Variants in UNC13C observed in about 807,000 individuals in gnomAD.
UNC13C encodes the protein unc-13 homolog C.
Under a neutral mutation model 245.4 loss-of-function variants are expected in UNC13C, and 174 were observed. The ratio of observed to expected loss-of-function variants is 0.71; its 90% confidence interval spans 0.63 to 0.80. UNC13C has a LOEUF of 0.80. UNC13C is among the 30% of genes least tolerant of loss of function. The pLI, the probability that UNC13C is intolerant of heterozygous loss-of-function variation, is 0.00. For missense variants in UNC13C, 2,829 were observed against 2,602.9 expected (o/e 1.09, Z -1.89); for synonymous variants, 992 against 895.1 (o/e 1.11, Z -1.93).
At chr15:54,191,607 G>C (rs1182300529) in intron 4 of UNC13C, among the ~76,000 whole-genome samples, 4 of 152,120 alleles carry the variant, frequency 2.6e-5, no homozygotes, top group African/African-American at 9.7e-5. Flanking sequence ...TCTGCTTCTA[G>C]ATTTTTGAGG....
At chr15:54,060,897 C>T (rs1035973612) in intron 2 of UNC13C, among the ~76,000 whole-genome samples, 5 of 151,846 alleles carry the variant, frequency 3.3e-5, no homozygotes, top group African/African-American at 9.7e-5. Flanking sequence ...AGTTCTCACT[C>T]ATAGGTGGGA....
At chr15:53,843,537 A>G in the UNC13C span, among the ~76,000 whole-genome samples, 16 of 152,028 alleles carry the variant, frequency 1.1e-4, no homozygotes, top group South Asian at 1.7e-3. Context: ...ATTTTTTTAT[A>G]AGCAATTAAT....
chr15:54,389,833 A>G (rs992490693), intron 17 of UNC13C, among the ~76,000 whole-genome samples: 3 of 151,960 alleles, frequency 2.0e-5, no homozygotes, highest in Admixed American at 6.6e-5. Flanking sequence ...GGTTCGAGCA[A>G]TTCTCCTGCC....
chr15:54,385,092 A>G (rs1228220468), intron 17 of UNC13C, among the ~76,000 whole-genome samples: 1 of 152,170 alleles, frequency 6.6e-6, no homozygotes, highest in Non-Finnish European at 1.5e-5. Flanking sequence ...CTACTATGGA[A>G]AACAGAACTA....
At chr15:54,192,142 A>G (rs1381835858) in intron 4 of UNC13C, among the ~76,000 whole-genome samples, 1 of 152,162 alleles carries the variant, frequency 6.6e-6, no homozygotes, top group Non-Finnish European at 1.5e-5. Flanking sequence ...GATACTGTAA[A>G]GGCAATTTCT....
chr15:54,256,426 G>A (rs913611030), intron 8 of UNC13C, among the ~76,000 whole-genome samples: 14 of 152,298 alleles, frequency 9.2e-5, no homozygotes, highest in Admixed American at 2.0e-4. Context: ...CACCTTATTC[G>A]TGGTTTCACT....
At chr15:54,340,334 G>T (rs2038698670) in intron 17 of UNC13C, among the ~76,000 whole-genome samples, 1 of 152,104 alleles carries the variant, frequency 6.6e-6, no homozygotes, top group African/African-American at 2.4e-5. Context: ...TTTGCTTTTA[G>T]GTTCTTGGTC....
intron 4 of UNC13C, among the ~76,000 whole-genome samples, chr15:54,162,114 C>T (rs929295275): frequency 1.3e-5 from 2 of 152,126 alleles, no homozygotes; most frequent in African/African-American, 4.8e-5. Context: ...TGTTGTTACT[C>T]ATAAATTCAT....
At chr15:54,564,537 T>C (rs1897425440) in intron 29 of UNC13C, among the ~76,000 whole-genome samples, 1 of 152,044 alleles carries the variant, frequency 6.6e-6, no homozygotes, top group Non-Finnish European at 1.5e-5. Context: ...CTTTCATAGC[T>C]TAACTCTTTT....
chr15:54,472,563 G>A (rs1892518991), intron 19 of UNC13C, among the ~76,000 whole-genome samples: 1 of 151,650 alleles, frequency 6.6e-6, no homozygotes, highest in East Asian at 1.9e-4. Context: ...TAATGCAGAT[G>A]TACCAGTGAT....
chr15:54,151,019 T>C (rs533064964), intron 4 of UNC13C, among the ~76,000 whole-genome samples: 22 of 152,196 alleles, frequency 1.4e-4, no homozygotes, highest in Non-Finnish European at 2.8e-4. Flanking sequence ...AAGTTGTAGA[T>C]TGGCACCTTT....
At chr15:53,911,228 G>GTT in the UNC13C span, 1 of 152,266 alleles carries the variant, frequency 6.6e-6, no homozygotes, top group Non-Finnish European at 1.5e-5. Flanking sequence ...GGGGGTGGGG[G>GTT]ACCTCCAGGT....
chr15:54,466,372 A>G (rs1022778821), intron 19 of UNC13C, among the ~76,000 whole-genome samples: 1 of 152,018 alleles, frequency 6.6e-6, no homozygotes, highest in Non-Finnish European at 1.5e-5. Context: ...GAGGTGATGT[A>G]TATTTCAATT....
intron 17 of UNC13C, among the ~76,000 whole-genome samples, chr15:54,377,276 A>G (rs2039626678): frequency 6.6e-6 from 1 of 152,196 alleles, no homozygotes; most frequent in African/African-American, 2.4e-5. Context: ...CTGGAAATAG[A>G]TCAATTCTGC....
At chr15:54,440,211 C>T (rs1890440978) in intron 19 of UNC13C, among the ~76,000 whole-genome samples, 1 of 151,984 alleles carries the variant, frequency 6.6e-6, no homozygotes, top group Admixed American at 6.6e-5. Flanking sequence ...CAAGGTGCTC[C>T]CCCTTCACCC....
At chr15:54,435,183 A>C (rs2040955580) in intron 19 of UNC13C, among the ~76,000 whole-genome samples, 1 of 151,984 alleles carries the variant, frequency 6.6e-6, no homozygotes, top group South Asian at 2.1e-4. Flanking sequence ...AATTCCTCAA[A>C]GATCTAGAAC....
chr15:53,902,569 T>C, the UNC13C span, among the ~76,000 whole-genome samples: 1 of 152,220 alleles, frequency 6.6e-6, no homozygotes, highest in Non-Finnish European at 1.5e-5. Context: ...AACTATAAAA[T>C]ATTGAGACTA....
At chr15:54,173,320 C>T (rs2033485216) in intron 4 of UNC13C, among the ~76,000 whole-genome samples, 1 of 151,974 alleles carries the variant, frequency 6.6e-6, no homozygotes, top group Non-Finnish European at 1.5e-5. Context: ...TACATTGTCA[C>T]CTTAAAAATA....
the UNC13C span, among the ~76,000 whole-genome samples, chr15:53,951,938 TG>T: frequency 6.6e-6 from 1 of 152,146 alleles, no homozygotes; most frequent in African/African-American, 2.4e-5. Context: ...TTTTTTCAAG[TG>T]TATTTATCCC....
Sources: allele counts gnomAD v4.1 joint callset (sites outside exome capture counted in the v4.1 genomes callset), GRCh38; gene constraint gnomAD v4.1.1; transcripts MANE v1.5; gene names NCBI Gene and HGNC (gene_info 2026-07-23, HGNC 2026-07-21).